The following NFATC2 variants were observed in gnomAD, a reference collection of about 807,000 sequenced individuals.
The protein encoded by NFATC2 is nuclear factor of activated T cells 2, also known as nuclear factor of activated T-cells, cytoplasmic 2.
NFATC2 carries 22 observed loss-of-function variants against 87.3 expected under a neutral mutation model. The observed-to-expected ratio is 0.25, with a 90% CI of 0.18 to 0.36. The LOEUF (loss-of-function observed/expected upper bound fraction) is 0.36, where lower values mean the gene tolerates loss of function less well. Ranked by LOEUF, NFATC2 falls within the 10% of genes least tolerant of loss-of-function variation. The probability of loss-of-function intolerance (pLI) is 1.00; values close to 1 mark genes in which losing one functional copy is unlikely to be tolerated. For synonymous variants in NFATC2, 565 were observed against 542.2 expected (o/e 1.04, Z -0.58); for missense variants, 1,149 against 1,259.1 (o/e 0.91, Z 1.32).
At chr20:51,395,542 TC>T (rs905930683) in intron 10 of NFATC2, among the ~76,000 whole-genome samples, 3 of 151,382 alleles carry the variant, frequency 2.0e-5, no homozygotes, top group Non-Finnish European at 4.4e-5. Flanking sequence ...GCCATGGTGC[TC>T]TTGGCCTGTG....
rs570663229 is a variant in NFATC2 at position 51,538,140 on chromosome 20, C to G, written c.130+4230G>C. On this transcript the variant is annotated intron_variant, in intron 1 of 10. Transcript: ENST00000371564. ...GGAAAGAAACCTAAACCTGATAGCA[C>G]AAAAAATAGGCCAATATGAATATCA... Among the ~76,000 whole-genome samples, 6 of 152,116 alleles carry G rather than the reference C, an allele frequency of 3.9e-5. No individual in the cohort carries two copies. The East Asian group carries it at 1.2e-3, about 29-fold the overall frequency.
At chr20:51,529,521 G>A (rs758647401) in intron 1 of NFATC2, among the ~76,000 whole-genome samples, 33 of 152,216 alleles carry the variant, frequency 2.2e-4, no homozygotes, top group East Asian at 5.8e-4. Context: ...GCTGAGATTC[G>A]TCACTATTTC....
chr20:51,483,032 G>GC (rs1470264376), intron 3 of NFATC2, among the ~76,000 whole-genome samples: 1 of 152,168 alleles, frequency 6.6e-6, no homozygotes, highest in Non-Finnish European at 1.5e-5. Flanking sequence ...CTGAGAGTGA[G>GC]CCCCACTCTA....
intron 3 of NFATC2, among the ~76,000 whole-genome samples, chr20:51,495,590 G>C (rs2075975481): frequency 6.6e-6 from 1 of 152,212 alleles, no homozygotes; most frequent in South Asian, 2.1e-4. Flanking sequence ...GGTTTTCTTT[G>C]ATGACAGAAG....
chr20:51,472,178 C>T (rs893403750), intron 5 of NFATC2, among the ~76,000 whole-genome samples: 22 of 152,146 alleles, frequency 1.4e-4, no homozygotes, highest in Admixed American at 2.0e-4. Context: ...TCACTTGAAC[C>T]CGGGAGGTAG....
Position 51,390,980 on chromosome 20 carries a change from G to A in NFATC2, c.*516C>T. 3.0e-6 allele frequency: 1 copy of A among 336,006 alleles called. No homozygotes were observed. Among genetic ancestry groups the A allele is most frequent in the Non-Finnish European group, 5.9e-6 (1 of 170,068 alleles). 20.8% of individuals were successfully genotyped at this position (336,006 alleles called of 1,614,324 possible). ...CTTGCCTTCAAAAGGTACAGGAGCT[G>A]TATCTGTGACCTGGAAAAACGAACG... On this transcript the variant is annotated 3_prime_UTR_variant, in exon 11 of 11. Transcript: ENST00000371564.
At chr20:51,459,465 C>T (rs970599893) in intron 5 of NFATC2, among the ~76,000 whole-genome samples, 17 of 152,142 alleles carry the variant, frequency 1.1e-4, no homozygotes, top group African/African-American at 4.1e-4. Flanking sequence ...GTTCTGCAGG[C>T]CAGATGGGGT....
At chr20:51,527,468 C>T (rs565958210) in intron 1 of NFATC2, among the ~76,000 whole-genome samples, 2 of 152,240 alleles carry the variant, frequency 1.3e-5, no homozygotes, top group African/African-American at 2.4e-5. Context: ...TGGAGTGCTC[C>T]GTTTCCCTCG....
intron 9 of NFATC2, among the ~76,000 whole-genome samples, chr20:51,425,387 C>T (rs1425579659): frequency 1.3e-5 from 2 of 152,234 alleles, no homozygotes; most frequent in Non-Finnish European, 2.9e-5. Flanking sequence ...GGTGTACCAG[C>T]AAGGCCTACG....
chr20:51,545,512 T>C (rs1275004528), upstream of NFATC2, among the ~76,000 whole-genome samples: 1 of 152,188 alleles, frequency 6.6e-6, no homozygotes, highest in African/African-American at 2.4e-5. Context: ...TTATGTGCAA[T>C]GGATGTGTGG....
chr20:51,441,572 C>A (rs2146375293), intron 6 of NFATC2, among the ~76,000 whole-genome samples: 1 of 151,774 alleles, frequency 6.6e-6, no homozygotes, highest in African/African-American at 2.4e-5. Flanking sequence ...AAAAAATTAG[C>A]TGGGCGTGGT....
intron 6 of NFATC2, among the ~76,000 whole-genome samples, chr20:51,439,780 C>T (rs543125468): frequency 1.3e-5 from 2 of 152,338 alleles, no homozygotes; most frequent in East Asian, 3.9e-4. Flanking sequence ...CAGACACACC[C>T]AGCTTCAAAT....
At chr20:51,517,521 G>A (rs1049555919) in intron 2 of NFATC2, among the ~76,000 whole-genome samples, 1 of 151,932 alleles carries the variant, frequency 6.6e-6, no homozygotes, top group Admixed American at 6.5e-5. Flanking sequence ...GAGCCCAGGA[G>A]GTCAAGGTTG....
chr20:51,442,501 C>T (rs993548114), intron 6 of NFATC2, among the ~76,000 whole-genome samples: 15 of 152,000 alleles, frequency 9.9e-5, no homozygotes, highest in South Asian at 4.2e-4. Flanking sequence ...CAGTATGTAC[C>T]GCATGATGCC....
At chr20:51,483,613 C>T (rs1485964846) in intron 3 of NFATC2, among the ~76,000 whole-genome samples, 1 of 149,008 alleles carries the variant, frequency 6.7e-6, no homozygotes, top group African/African-American at 2.5e-5. Flanking sequence ...CTCTCCCCCC[C>T]ACCACACACA....
chr20:51,470,157 A>G (rs190528264), intron 5 of NFATC2, among the ~76,000 whole-genome samples: 15 of 152,144 alleles, frequency 9.9e-5, no homozygotes, highest in Admixed American at 9.2e-4. Context: ...GACGGGGGTG[A>G]TCCCTCTGAC....
At chr20:51,437,736 T>C (rs1051736750) in intron 6 of NFATC2, among the ~76,000 whole-genome samples, 2 of 152,200 alleles carry the variant, frequency 1.3e-5, no homozygotes, top group African/African-American at 4.8e-5. Context: ...ACATGGGCTA[T>C]GTTAAAAGGG....
intron 5 of NFATC2, among the ~76,000 whole-genome samples, chr20:51,457,741 C>G (rs540486980): frequency 1.3e-5 from 2 of 152,246 alleles, no homozygotes; most frequent in East Asian, 3.9e-4. Flanking sequence ...GGCCCCACCC[C>G]AGACCTGCCC....
At chr20:51,555,541 T>C (rs2076971100) in intron 1 of NFATC2, among the ~76,000 whole-genome samples, 1 of 151,292 alleles carries the variant, frequency 6.6e-6, no homozygotes, top group Non-Finnish European at 1.5e-5. Context: ...TACAGTAAGC[T>C]GAGATTGCCG....
Sources: allele counts gnomAD v4.1 joint callset (sites outside exome capture counted in the v4.1 genomes callset), GRCh38; gene constraint gnomAD v4.1.1; transcripts MANE v1.5; gene names NCBI Gene and HGNC (gene_info 2026-07-23, HGNC 2026-07-21).